Variants in SRSF7 observed in about 807,000 individuals in gnomAD.
SRSF7 encodes the protein serine/arginine-rich splicing factor 7.
A neutral mutation model predicts 42.2 loss-of-function variants in SRSF7; 15 were observed. The observed-to-expected ratio is 0.36, with a 90% CI of 0.24 to 0.55. The LOEUF is 0.55. Among genes scored for constraint, SRSF7 ranks in the 20% least tolerant of loss-of-function variants. The pLI, the probability that SRSF7 is intolerant of heterozygous loss-of-function variation, is 0.88. For missense variants in SRSF7, 181 were observed against 305.9 expected (o/e 0.59, Z 3.04); for synonymous variants, 138 against 107.9 (o/e 1.28, Z -1.73).
At chr2:38,750,913 C>G in intron 1 of SRSF7, 1 of 380,288 alleles carries the variant, frequency 2.6e-6, no homozygotes, top group Non-Finnish European at 5.0e-6. Flanking sequence ...ATGGCAGCCG[C>G]CGCCGAGGGC....
chr2:38,749,889 G>C, intron 2 of SRSF7, 125 bp downstream of exon 2: 1 of 1,290,086 alleles, frequency 7.8e-7, no homozygotes, highest in Non-Finnish European at 1.1e-6. Flanking sequence ...TGTGCCTTTA[G>C]CATTTAACAC....
intron 3 of SRSF7, 179 bp downstream of exon 3, chr2:38,749,350 A>T: frequency 6.5e-7 from 1 of 1,537,730 alleles, no homozygotes; most frequent in Non-Finnish European, 8.8e-7. Context: ...AAGAAACCTG[A>T]AAGGTTTTGA....
chr2:38,748,648 C>G lies in SRSF7; in HGVS notation c.392G>C (p.Arg131Pro). 1.9e-6 allele frequency: 3 copies of G among 1,614,046 alleles called. No individual in the cohort carries two copies. The highest frequency in any genetic ancestry group is 1.3e-5 in the African/African-American group (1 of 75,026). The change falls in exon 4 of 8, where the codon CGG becomes CCG. Residue 131 changes from arginine (R) to proline (P), a missense_variant. Physicochemically the swap from Arg to Pro is moderately radical, Grantham distance 103. Around this residue, in one of 2 missense-constraint regions of SRSF7, gnomAD observed 136 missense variants for 147.8 expected, o/e 0.92. Transcript: ENST00000313117. ...TCTGGATCGAGAATGTGATCTAGACCGTGACCTATTTTTCAAGTTAGAGAA... is the reference window on the plus strand; with the variant it reads ...TCTGGATCGAGAATGTGATCTAGACGGTGACCTATTTTTCAAGTTAGAGAA... ...RYSRRRRSRSRSRSHSRSRGR... is the reference protein window; with the variant it reads ...RYSRRRRSRSPSRSHSRSRGR...
intron 5 of SRSF7, among the ~76,000 whole-genome samples, chr2:38,747,533 C>G (rs1667644101): frequency 1.3e-5 from 2 of 152,146 alleles, no homozygotes; most frequent in South Asian, 4.2e-4. Context: ...TAGTAAAGCT[C>G]TGGTTCTTTA....
chr2:38,747,996 GA>G (rs1404441396), intron 5 of SRSF7, 50 bp downstream of exon 5: 4 of 1,341,268 alleles, frequency 3.0e-6, no homozygotes, highest in Non-Finnish European at 4.3e-6. Flanking sequence ...ACACTCTACT[GA>G]TAAGATGTGA....
intron 3 of SRSF7, 74 bp downstream of exon 3, chr2:38,749,455 T>C: frequency 6.5e-7 from 1 of 1,549,680 alleles, no homozygotes; most frequent in South Asian, 1.2e-5. Context: ...AGAAAAACAC[T>C]AGTTTCTGCC....
Position 38,751,222 on chromosome 2 carries a change from T to C in SRSF7, c.28+7A>G. ...CCAACGTCCCTCACCGGACTCCAGC[T>C]TCTTACCTCCTCCGTACCGCCCGTA... On this transcript the variant is annotated splice_region_variant and intron_variant, in intron 1 of 7. Transcript: ENST00000313117. The C allele has an allele frequency of 1.9e-6, 3 of 1,614,058 alleles. No homozygotes were observed. Among genetic ancestry groups the C allele is most frequent in the African/African-American group, 2.7e-5 (2 of 75,030 alleles).
chr2:38,746,554 A>G (rs570193017), intron 6 of SRSF7, 140 bp downstream of exon 6: 3 of 1,255,032 alleles, frequency 2.4e-6, no homozygotes, highest in Middle Eastern at 1.9e-4. Context: ...TAAATAGGAC[A>G]TACACAAATA....
intron 6 of SRSF7, 148 bp from the exon 7 acceptor site, chr2:38,746,327 C>CA: frequency 1.1e-6 from 1 of 918,322 alleles, no homozygotes; most frequent in East Asian, 2.6e-5. Context: ...TTGTTGCTAA[C>CA]AAAAGCCAAT....
chr2:38,749,759 T>C (rs143845180), intron 2 of SRSF7, 54 bp from the exon 3 acceptor site: 274 of 1,463,104 alleles, frequency 1.9e-4, no homozygotes, highest in African/African-American at 6.3e-4. Context: ...TCAGGACTTA[T>C]AGATTTAAAA....
In SRSF7 at chr2:38,748,054, A is replaced by G; in HGVS notation, c.565T>C (p.Tyr189His). Residue 189 changes from tyrosine to histidine, a missense_variant, in exon 5 of 8, where the codon TAT (tyrosine) becomes CAT (histidine). Physicochemically the swap from Tyr to His is moderately conservative, Grantham distance 83. Transcript: ENST00000313117. ...SRSGSIKGSRYFQSPSRSRSR... is the reference protein window; with the variant it reads ...SRSGSIKGSRHFQSPSRSRSR... ...AAAAAAAGTGTTACATACTGGAAAT[A>G]CCTCGATCCTTTTATAGAACCAGAC... The G allele has an allele frequency of 6.2e-7, 1 of 1,612,352 alleles. No homozygotes were observed. The highest frequency in any genetic ancestry group is 8.5e-7 in the Non-Finnish European group (1 of 1,178,598).
Position 38,749,597 on chromosome 2 carries a change from G to A in SRSF7, c.318C>T (p.Cys106=). The A allele has an allele frequency of 1.9e-6, 3 of 1,606,504 alleles. No homozygotes were observed. Among genetic ancestry groups the A allele is most frequent in the Non-Finnish European group, 2.5e-6 (3 of 1,178,186 alleles). ...ARRPFDPNDR[C]YECGEKGHYA... ...AATGTCCCTTTTCGCCACACTCATA[G>A]CATCTATCATTTGGATCAAAGGGAC... is the stretch of plus-strand genomic sequence containing the variant. Residue 106 remains cysteine, a synonymous_variant, in exon 3 of 8, where the codon TGC becomes TGT. Transcript: ENST00000313117.
chr2:38,751,276 C>T lies in SRSF7; in HGVS notation c.-20G>A. On this transcript the variant is annotated 5_prime_UTR_variant, in exon 1 of 8. Transcript: ENST00000313117. The stretch of plus-strand genomic sequence containing the variant: ...CGACATGATGACAGACCCGCGTGCT[C>T]GGCTCTTTAGCAAGCAGCGCCCAGG... 6.2e-7 allele frequency: 1 copy of T among 1,613,992 alleles called. No individual in the cohort carries two copies. Among genetic ancestry groups the T allele is most frequent in the Non-Finnish European group, 8.5e-7 (1 of 1,179,894 alleles).
In SRSF7 at chr2:38,749,672, T is replaced by C; in HGVS notation, c.243A>G (p.Leu81=). 3.2e-6 allele frequency: 5 copies of C among 1,582,898 alleles called. No homozygotes were observed. Among genetic ancestry groups the C allele is most frequent in the Non-Finnish European group, 4.3e-6 (5 of 1,170,898 alleles). ...GTGATCTCCGAGGCATGCCTGTCGA[T>C]AGTTCAACCCTCACTCGGGAGCCAC... ...VICGSRVRVE[L]STGMPRRSRF... The change falls in exon 3 of 8, where the codon CTA becomes CTG. Residue 81 remains leucine (L), a synonymous_variant. Transcript: ENST00000313117.
At chr2:38,747,984 A>G in intron 5 of SRSF7, 63 bp downstream of exon 5, 1 of 1,223,064 alleles carries the variant, frequency 8.2e-7, no homozygotes. Flanking sequence ...TATGTCCTTA[A>G]GACACTCTAC....
In SRSF7 at chr2:38,745,096, C is replaced by T; in HGVS notation, c.*37G>A. 1 of 1,609,026 alleles carries T rather than the reference C, an allele frequency of 6.2e-7. No individual in the cohort carries two copies. Among genetic ancestry groups the T allele is most frequent in the South Asian group, 1.1e-5 (1 of 90,832 alleles). On this transcript the variant is annotated 3_prime_UTR_variant, in exon 8 of 8. Coordinates refer to ENST00000313117, the MANE Select transcript of SRSF7 (RefSeq NM_001031684.3). Reference sequence around the variant, plus strand: ...CACAAATCCCTTATAATAATGTAAACAAAATAACTTTTCCCTAAAGGGTGA... The same window carrying T: ...CACAAATCCCTTATAATAATGTAAATAAAATAACTTTTCCCTAAAGGGTGA...
intron 2 of SRSF7, 54 bp from the exon 3 acceptor site, chr2:38,749,759 T>A (rs143845180): frequency 5.7e-5 from 84 of 1,462,988 alleles, no homozygotes; most frequent in Non-Finnish European, 7.1e-5. Flanking sequence ...TCAGGACTTA[T>A]AGATTTAAAA....
intron 2 of SRSF7, 142 bp from the exon 3 acceptor site, chr2:38,749,847 A>C (rs985012804): frequency 8.0e-7 from 1 of 1,246,314 alleles, no homozygotes; most frequent in Non-Finnish European, 1.1e-6. Flanking sequence ...ACCAAGCCCT[A>C]ACTCCATCTC....
Position 38,744,412 on chromosome 2 carries a change from G to T in SRSF7, c.*721C>A. ...CAAAGAAACAAGACCATTGAGAGTA[G>T]AACTCCCCATATCTTGGGGAGTCCT... On this transcript the variant is annotated 3_prime_UTR_variant, in exon 8 of 8. Coordinates refer to ENST00000313117, the MANE Select transcript of SRSF7 (RefSeq NM_001031684.3). The T allele has an allele frequency of 6.6e-6, 1 of 152,524 alleles. No homozygotes were observed. The highest frequency in any genetic ancestry group is 1.5e-5 in the Non-Finnish European group (1 of 68,022). The allele number at this position is 152,524 out of a possible 1,614,324, so 9.4% of individuals were successfully genotyped here.
Sources: allele counts gnomAD v4.1 joint callset (sites outside exome capture counted in the v4.1 genomes callset), GRCh38; gene constraint gnomAD v4.1.1; regional missense constraint gnomAD v4.1.1; transcripts MANE v1.5; gene names NCBI Gene and HGNC (gene_info 2026-07-23, HGNC 2026-07-21).